Variants in ACAD11 observed in about 807,000 individuals in gnomAD.
The protein encoded by ACAD11 is acyl-CoA dehydrogenase family member 11.
A neutral mutation model predicts 102.2 loss-of-function variants in ACAD11; 83 were observed. The observed-to-expected ratio is 0.81, with a 90% confidence interval of 0.68 to 0.97. The LOEUF (loss-of-function observed/expected upper bound fraction) is 0.97. Among genes scored for constraint, ACAD11 ranks in the 50% least tolerant of loss-of-function variants. The probability of loss-of-function intolerance (pLI) is 0.00; values close to 1 mark genes in which losing one functional copy is unlikely to be tolerated. For missense variants in ACAD11, 901 were observed against 951.7 expected, an observed-to-expected ratio of 0.95 and a Z score of 0.70; for synonymous variants, 324 against 319.8, an observed-to-expected ratio of 1.01 and a Z score of -0.14.
At chr3:132,600,427 T>C in intron 13 of ACAD11, 1 of 1,605,204 alleles carries the variant, frequency 6.2e-7, no homozygotes, top group Non-Finnish European at 8.5e-7. Flanking sequence ...AGTCAACAGA[T>C]TATTATTATG....
chr3:132,601,049 G>A (rs760047133), intron 13 of ACAD11: 5 of 1,613,964 alleles, frequency 3.1e-6, no homozygotes, highest in African/African-American at 1.3e-5. Flanking sequence ...TATTATGGGG[G>A]TGTGCTACTT....
chr3:132,622,574 T>C (rs1576598334), intron 9 of ACAD11, among the ~76,000 whole-genome samples: 1 of 152,232 alleles, frequency 6.6e-6, no homozygotes, highest in Non-Finnish European at 1.5e-5. Context: ...ATTTAATACT[T>C]TGAGTTCTAA....
At chr3:132,642,892 A>G in intron 2 of ACAD11, 90 bp from the exon 3 acceptor site, 1 of 1,330,798 alleles carries the variant, frequency 7.5e-7, no homozygotes, top group East Asian at 2.4e-5. Flanking sequence ...TCTTAAGGCT[A>G]GAAAACAACT....
At position 132,605,081 on chromosome 3, in the gene ACAD11, T is replaced by G. The variant is rs749336193; in HGVS notation, c.1522+17A>C. ...GACGACTGACTACACAAGGAGAGAA[T>G]GGTGATTGGCATTTACCTGTCATAC... On this transcript the variant is annotated intron_variant, in intron 12 of 19. Transcript: ENST00000264990. The G allele has an allele frequency of 1.9e-6, 3 of 1,572,754 alleles. No individual in the cohort carries two copies. Among genetic ancestry groups the G allele is most frequent in the Non-Finnish European group, 2.6e-6 (3 of 1,143,204 alleles).
At chr3:132,646,210 C>T (rs192185250) in intron 1 of ACAD11, among the ~76,000 whole-genome samples, 3 of 152,094 alleles carry the variant, frequency 2.0e-5, no homozygotes, top group South Asian at 2.1e-4. Flanking sequence ...GTGATCCGCC[C>T]GCCTGGGCCT....
intron 5 of ACAD11, among the ~76,000 whole-genome samples, chr3:132,633,888 C>T (rs533436673): frequency 6.6e-6 from 1 of 152,102 alleles, no homozygotes; most frequent in East Asian, 1.9e-4. Context: ...CTTCCTTACA[C>T]CTTATACAAA....
intron 1 of ACAD11, chr3:132,659,357 A>T: frequency 2.0e-6 from 1 of 512,006 alleles, no homozygotes; most frequent in Non-Finnish European, 3.4e-6. Flanking sequence ...CCATCCTTTA[A>T]CAAAGATTCC....
At chr3:132,599,392 A>C (rs1467722732) in intron 13 of ACAD11, among the ~76,000 whole-genome samples, 2 of 152,030 alleles carry the variant, frequency 1.3e-5, no homozygotes, top group Non-Finnish European at 2.9e-5. Flanking sequence ...CTGTAATCCC[A>C]GCTACTTGGG....
chr3:132,642,572 G>A, intron 3 of ACAD11, 105 bp downstream of exon 3: 3 of 1,261,482 alleles, frequency 2.4e-6, no homozygotes, highest in South Asian at 3.3e-5. Context: ...TACCTAAAAT[G>A]TTAAATAACA....
chr3:132,652,313 A>G (rs12494629), intron 1 of ACAD11, among the ~76,000 whole-genome samples: 14,750 of 152,210 alleles, frequency 0.097, 1,357 homozygotes, highest in East Asian at 0.53. Flanking sequence ...GTCTTCTGCC[A>G]TGATTGTGAG....
intron 17 of ACAD11, among the ~76,000 whole-genome samples, chr3:132,573,172 C>T (rs2107789030): frequency 1.3e-5 from 2 of 152,234 alleles, no homozygotes; most frequent in South Asian, 4.1e-4. Context: ...TGAGTGAGAA[C>T]ATGCACACCT....
chr3:132,631,290 T>A (rs1473103635), intron 6 of ACAD11, 51 bp downstream of exon 6: 2 of 1,156,792 alleles, frequency 1.7e-6, no homozygotes, highest in African/African-American at 1.6e-5. Context: ...ATGAAAGTAA[T>A]AAAGACAGTT....
chr3:132,625,704 C>A (rs978718857), intron 9 of ACAD11, among the ~76,000 whole-genome samples: 2 of 152,152 alleles, frequency 1.3e-5, no homozygotes, highest in Non-Finnish European at 2.9e-5. Context: ...CAAGCAACAG[C>A]ACAAACTGTC....
At chr3:132,649,228 TGAG>T (rs898927668) in intron 1 of ACAD11, among the ~76,000 whole-genome samples, 2 of 152,202 alleles carry the variant, frequency 1.3e-5, no homozygotes, top group African/African-American at 4.8e-5. Context: ...GGGTCTGTGC[TGAG>T]GAGGATTAGT....
chr3:132,561,703 A>G (rs1937063219), intron 17 of ACAD11, among the ~76,000 whole-genome samples: 1 of 152,246 alleles, frequency 6.6e-6, no homozygotes, highest in Non-Finnish European at 1.5e-5. Flanking sequence ...TTCATTAAAA[A>G]TGACCTTTTC....
At chr3:132,624,329 G>A (rs551180144) in intron 9 of ACAD11, among the ~76,000 whole-genome samples, 56 of 148,438 alleles carry the variant, frequency 3.8e-4, no homozygotes, top group African/African-American at 9.2e-4. Context: ...AAAAAAGGCC[G>A]GGCGTGGTGG....
chr3:132,642,025 G>A lies in ACAD11; in HGVS notation c.484C>T (p.Gln162Ter), dbSNP rs770242779. 24 of 1,613,852 alleles carry A rather than the reference G, an allele frequency of 1.5e-5. No individual in the cohort carries two copies. The highest frequency in any genetic ancestry group is 9.9e-5 in the South Asian group (9 of 91,086). Residue 162 changes from glutamine to a stop codon, truncating the protein, a stop_gained, in exon 4 of 20, where the codon CAG becomes TAG. Transcript: ENST00000264990. LOFTEE classifies it high-confidence loss of function. ...CCATATCCTTCCAGCTGCAGTGACT[G>A]TATATTCAAGGAATGTAACTGAGCC... is the stretch of plus-strand genomic sequence containing the variant. ...TLAQLHSLNIQSLQLEGYGIG... is the reference protein window; with the variant it reads ...TLAQLHSLNI
intron 13 of ACAD11, among the ~76,000 whole-genome samples, chr3:132,581,472 C>T (rs564513710): frequency 1.3e-5 from 2 of 151,676 alleles, no homozygotes; most frequent in South Asian, 2.1e-4. Context: ...TCAAAGTATG[C>T]CTAAAGGGTA....
chr3:132,562,126 A>G (rs1359734814), intron 17 of ACAD11, among the ~76,000 whole-genome samples: 1 of 152,066 alleles, frequency 6.6e-6, no homozygotes, highest in Non-Finnish European at 1.5e-5. Flanking sequence ...TTATTTTTTG[A>G]GACAGACTGG....
Sources: gnomAD v4.1 joint callset for allele counts (sites outside exome capture counted in the v4.1 genomes callset) on GRCh38, gnomAD v4.1.1 for gene constraint, MANE v1.5 for transcripts, NCBI Gene and HGNC (gene_info 2026-07-23, HGNC 2026-07-21) for gene names.